MEGF11: variants seen among roughly 807,000 people sequenced by gnomAD.
MEGF11 encodes multiple epidermal growth factor-like domains protein 11.
A neutral mutation model predicts 146.6 loss-of-function variants in MEGF11; 126 were observed. That is an observed-to-expected ratio of 0.86 (90% confidence interval 0.74 to 1.00). The LOEUF is 1.00. Ranked by LOEUF, MEGF11 falls within the 50% of genes least tolerant of loss-of-function variation. The pLI, the probability that MEGF11 is intolerant of heterozygous loss-of-function variation, is 0.00. For missense variants in MEGF11, 1,509 were observed against 1,521.2 expected, an observed-to-expected ratio of 0.99 and a Z score of 0.13; for synonymous variants, 532 against 583.4, an observed-to-expected ratio of 0.91 and a Z score of 1.27.
chr15:65,916,195 C>A lies in MEGF11; in HGVS notation c.2297G>T (p.Gly766Val). The A allele has an allele frequency of 6.3e-7, 1 of 1,582,246 alleles. No homozygotes were observed. Among genetic ancestry groups the A allele is most frequent in the Non-Finnish European group, 8.6e-7 (1 of 1,164,100 alleles). ...QNGASCDHIS[G>V]KCTCRTGFTG... Reference sequence around the variant, plus strand: ...GAAGCCTGTGCGGCAGGTGCACTTGCCACTGATGTGGTCACAGCTGGCGCC... The same window carrying A: ...GAAGCCTGTGCGGCAGGTGCACTTGACACTGATGTGGTCACAGCTGGCGCC... The change falls in exon 18 of 26, where the codon GGC becomes GTC. Residue 766 changes from glycine to valine, a missense_variant. Gly to Val is a moderately radical substitution (Grantham distance 109). Transcript: ENST00000395614.
chr15:65,965,830 A>G (rs1309636741), intron 8 of MEGF11, among the ~76,000 whole-genome samples: 9 of 151,778 alleles, frequency 5.9e-5, no homozygotes, highest in Admixed American at 5.9e-4. Flanking sequence ...GAGCAGACTA[A>G]GACAGTACAC....
chr15:66,043,418 C>T (rs548414414), intron 5 of MEGF11, among the ~76,000 whole-genome samples: 2 of 152,356 alleles, frequency 1.3e-5, no homozygotes, highest in African/African-American at 4.8e-5. Flanking sequence ...CCTGGCAGGA[C>T]TTCTGAGGGA....
intron 5 of MEGF11, among the ~76,000 whole-genome samples, chr15:66,008,411 G>GCACACACACACACACA (rs995843726): frequency 7.7e-5 from 4 of 52,058 alleles, no homozygotes; most frequent in African/African-American, 1.9e-4. Flanking sequence ...ACGCGCGCGC[G>GCACACACACACACACA]CACACACACA....
In MEGF11 at chr15:66,099,434, C is replaced by T. The variant is rs552031083; in HGVS notation, c.302-4940G>A. On this transcript the variant is annotated intron_variant, in intron 4 of 25. Coordinates refer to ENST00000395614, the MANE Select transcript of MEGF11 (RefSeq NM_001385028.1). ...TCCTGACCTCAAGCGATCTGCCCACCTCAGCCTCCCAAAGTGCCGGGATTA... is the reference window on the plus strand; with the variant it reads ...TCCTGACCTCAAGCGATCTGCCCACTTCAGCCTCCCAAAGTGCCGGGATTA... Among the ~76,000 whole-genome samples the T allele has an allele frequency of 4.3e-3, 660 of 152,230 alleles. 2 individuals are homozygous for T. The highest frequency in any genetic ancestry group is 0.01 in the Middle Eastern group (3 of 294).
At chr15:66,058,489 G>T (rs1422436548) in intron 5 of MEGF11, among the ~76,000 whole-genome samples, 5 of 152,152 alleles carry the variant, frequency 3.3e-5, no homozygotes, top group African/African-American at 1.2e-4. Context: ...TCTCTCCAAG[G>T]GGTTGAGAGA....
intron 1 of MEGF11, among the ~76,000 whole-genome samples, chr15:66,155,544 AG>A (rs770327325): frequency 2.0e-5 from 3 of 152,162 alleles, no homozygotes; most frequent in Non-Finnish European, 4.4e-5. Flanking sequence ...CTTATCATTC[AG>A]GTTGGGCTTT....
Position 65,912,114 on chromosome 15 carries a change from C to G in MEGF11, c.2797G>C (p.Ala933Pro), listed in dbSNP as rs1004582295. 165 of 1,232,128 alleles carry G rather than the reference C, an allele frequency of 1.3e-4. 2 individuals are homozygous for G. In the Middle Eastern group the frequency reaches 1.9e-3, roughly 14 times the overall value. The allele number at this position is 1,232,128 out of a possible 1,614,324, so 76.3% of individuals were successfully genotyped here. Residue 933 changes from alanine to proline, a missense_variant, in exon 21 of 26, where the codon GCC (alanine) becomes CCC (proline). By Grantham distance (27) the Ala-to-Pro change is conservative. Coordinates refer to ENST00000395614, the MANE Select transcript of MEGF11 (RefSeq NM_001385028.1). Reference protein sequence around the residue: ...LACGGPATSQASTLDRNSPTK... With the variant: ...LACGGPATSQPSTLDRNSPTK... ...GGGCTGTTCCTGTCCAGAGTGCTGGCCTGGCTGGTGGCAGGCCCCCCACAT... is the reference window on the plus strand; with the variant it reads ...GGGCTGTTCCTGTCCAGAGTGCTGGGCTGGCTGGTGGCAGGCCCCCCACAT...
chr15:66,168,001 C>T (rs2090146937), intron 1 of MEGF11, among the ~76,000 whole-genome samples: 2 of 152,154 alleles, frequency 1.3e-5, no homozygotes, highest in East Asian at 3.9e-4. Context: ...TTCTCCTAGG[C>T]CAGGCTCCTC....
At chr15:66,152,960 C>T (rs1876952620) in intron 1 of MEGF11, among the ~76,000 whole-genome samples, 1 of 152,248 alleles carries the variant, frequency 6.6e-6, no homozygotes, top group Non-Finnish European at 1.5e-5. Context: ...CATGCCGGTC[C>T]CGCCTTGACA....
At chr15:65,947,767 G>A (rs371367643) in intron 10 of MEGF11, among the ~76,000 whole-genome samples, 1 of 152,266 alleles carries the variant, frequency 6.6e-6, no homozygotes, top group South Asian at 2.1e-4. Flanking sequence ...AAAGAAAACC[G>A]GGTATACTTA....
At chr15:65,979,058 G>A (rs965224662) in intron 7 of MEGF11, among the ~76,000 whole-genome samples, 67 of 152,100 alleles carry the variant, frequency 4.4e-4, no homozygotes, top group African/African-American at 1.6e-3. Flanking sequence ...GGGCACCAGA[G>A]TCCTAACGAT....
At chr15:66,052,846 G>A (rs891157507) in intron 5 of MEGF11, among the ~76,000 whole-genome samples, 3 of 152,190 alleles carry the variant, frequency 2.0e-5, no homozygotes, top group African/African-American at 7.2e-5. Flanking sequence ...AAATACCAAA[G>A]CTTAGCCCCA....
At chr15:65,984,620 C>T (rs893874531) in intron 5 of MEGF11, among the ~76,000 whole-genome samples, 11 of 146,950 alleles carry the variant, frequency 7.5e-5, no homozygotes, top group Admixed American at 6.9e-4. Flanking sequence ...CTCTTTGGGA[C>T]ACACACTCAG....
intron 5 of MEGF11, among the ~76,000 whole-genome samples, chr15:66,005,434 T>G (rs1413523883): frequency 3.9e-5 from 6 of 152,214 alleles, no homozygotes; most frequent in Non-Finnish European, 8.8e-5. Flanking sequence ...AACACTTAAG[T>G]GCAATACTAT....
At chr15:66,118,238 T>G (rs973959303) in intron 4 of MEGF11, among the ~76,000 whole-genome samples, 1 of 151,820 alleles carries the variant, frequency 6.6e-6, no homozygotes, top group Non-Finnish European at 1.5e-5. Flanking sequence ...GGGTCAGAGG[T>G]GAGTGGGGAA....
intron 5 of MEGF11, among the ~76,000 whole-genome samples, chr15:65,988,856 C>T (rs1417650229): frequency 6.6e-6 from 1 of 152,134 alleles, no homozygotes; most frequent in African/African-American, 2.4e-5. Context: ...TCCCACCCTG[C>T]AGCCAGCTCA....
At chr15:66,097,145 C>T (rs141902059) in intron 4 of MEGF11, among the ~76,000 whole-genome samples, 83 of 152,350 alleles carry the variant, frequency 5.4e-4, no homozygotes, top group African/African-American at 2.0e-3. Context: ...TTGTCAAAAC[C>T]TCAATCCATT....
intron 13 of MEGF11, among the ~76,000 whole-genome samples, chr15:65,926,124 T>C (rs956274592): frequency 6.6e-6 from 1 of 152,228 alleles, no homozygotes; most frequent in Non-Finnish European, 1.5e-5. Flanking sequence ...CATTTACTGC[T>C]GAGTCTGGCA....
At chr15:66,004,000 G>C (rs1436505692) in intron 5 of MEGF11, among the ~76,000 whole-genome samples, 7 of 152,168 alleles carry the variant, frequency 4.6e-5, no homozygotes, top group African/African-American at 1.2e-4. Context: ...TATGGAAAAG[G>C]GGGTAGGCTG....
Sources: allele counts gnomAD v4.1 joint callset (sites outside exome capture counted in the v4.1 genomes callset), GRCh38; gene constraint gnomAD v4.1.1; transcripts MANE v1.5; gene names NCBI Gene and HGNC (gene_info 2026-07-23, HGNC 2026-07-21).